Variants in PML observed in about 807,000 individuals in gnomAD.
PML encodes the protein PML nuclear body scaffold, also known as protein PML.
PML carries 28 observed loss-of-function variants against 65.2 expected under a neutral mutation model. The ratio of observed to expected loss-of-function variants is 0.43; its 90% CI spans 0.32 to 0.59. The LOEUF is 0.59. Ranked by LOEUF, PML falls within the 20% of genes least tolerant of loss-of-function variation. The probability of loss-of-function intolerance (pLI) is 0.08; values close to 1 mark genes in which losing one functional copy is unlikely to be tolerated. For missense variants in PML, 1,021 were observed against 1,203.4 expected, an observed-to-expected ratio of 0.85 and a Z score of 2.24; for synonymous variants, 500 against 508.8, an observed-to-expected ratio of 0.98 and a Z score of 0.23.
Position 73,994,746 on chromosome 15 carries a change from C to T in PML, c.-67C>T. The T allele has an allele frequency of 6.5e-7, 1 of 1,529,580 alleles. No individual in the cohort carries two copies. Among genetic ancestry groups the T allele is most frequent in the Non-Finnish European group, 8.9e-7 (1 of 1,128,162 alleles). 94.8% of individuals were successfully genotyped at this position (1,529,580 alleles called of 1,614,324 possible). Reference sequence around the variant, plus strand: ...AAGGGACTCAGCCAACTGGCTCACGCCTCCCCTTCAGCTTCTCTTCACGCA... The same window carrying T: ...AAGGGACTCAGCCAACTGGCTCACGTCTCCCCTTCAGCTTCTCTTCACGCA... On this transcript the variant is annotated 5_prime_UTR_variant, in exon 1 of 9. Coordinates refer to ENST00000268058, the MANE Select transcript of PML (RefSeq NM_033238.3).
Position 74,036,278 on chromosome 15 carries a change from C to T in PML, c.1710+1748C>T, listed in dbSNP as rs2071557591. ...ATAGCACAGCCTTCCATGCCCCGAC[C>T]CCCACCCCAAGCCTCTCCACTAGGC... is the stretch of plus-strand genomic sequence containing the variant. On this transcript the variant is annotated intron_variant, in intron 7 of 8. Coordinates refer to ENST00000268058, the MANE Select transcript of PML (RefSeq NM_033238.3). 2.7e-6 allele frequency: 4 copies of T among 1,475,690 alleles called. No individual in the cohort carries two copies. The South Asian group carries it at 4.1e-5, about 15-fold the overall frequency. The allele number at this position is 1,475,690 out of a possible 1,614,324, so 91.4% of individuals were successfully genotyped here.
intron 7 of PML, among the ~76,000 whole-genome samples, chr15:74,040,999 C>T (rs1444820933): frequency 6.6e-6 from 1 of 152,140 alleles, no homozygotes; most frequent in Non-Finnish European, 1.5e-5. Flanking sequence ...CTGTGGCTCT[C>T]CAGGGAGCTC....
At chr15:74,034,827 A>C in intron 7 of PML, 2 of 1,435,826 alleles carry the variant, frequency 1.4e-6, no homozygotes, top group Non-Finnish European at 1.8e-6. Context: ...TTCCTTATGC[A>C]TTTTCTGTCC....
chr15:74,037,041 C>A lies in PML; in HGVS notation c.1710+2511C>A. ...ATCCTGGAAGGACTCAGGAGCTTGT[C>A]GCCTCTGTGCTGCCACCTGGAGACC... On this transcript the variant is annotated intron_variant, in intron 7 of 8. Coordinates refer to ENST00000268058, the MANE Select transcript of PML (RefSeq NM_033238.3). The surrounding 1 kb of genome is among the most constrained non-coding windows in gnomAD (Gnocchi z 4.2). 1.0e-6 allele frequency: 1 copy of A among 985,464 alleles called. No homozygotes were observed. Among genetic ancestry groups the A allele is most frequent in the Non-Finnish European group, 1.2e-6 (1 of 829,932 alleles). The allele number at this position is 985,464 out of a possible 1,614,324, so 61.0% of individuals were successfully genotyped here. A position where few individuals can be genotyped will look rare whatever the true frequency, so the allele number is the denominator to read the frequency against.
At chr15:74,018,088 G>A (rs1236098682) in intron 2 of PML, among the ~76,000 whole-genome samples, 1 of 152,200 alleles carries the variant, frequency 6.6e-6, no homozygotes, top group Non-Finnish European at 1.5e-5. Flanking sequence ...GGGAGGCTGA[G>A]GCGGGTGGAT....
At chr15:74,032,081 G>T (rs902559905) in intron 4 of PML, among the ~76,000 whole-genome samples, 3 of 152,134 alleles carry the variant, frequency 2.0e-5, no homozygotes, top group South Asian at 2.1e-4. Flanking sequence ...AGCTGCTTTC[G>T]CCAGTAGTGA....
At chr15:74,034,033 A>C (rs2071433977) in intron 6 of PML, 2 of 345,208 alleles carry the variant, frequency 5.8e-6, no homozygotes, top group Non-Finnish European at 1.1e-5. Context: ...CTGAGCACTG[A>C]CTGATATTCC....
chr15:74,018,519 A>G (rs1327137436), intron 2 of PML, among the ~76,000 whole-genome samples: 2 of 151,900 alleles, frequency 1.3e-5, no homozygotes, highest in Non-Finnish European at 2.9e-5. Flanking sequence ...TTTAATTTAA[A>G]AAAAGTTTTT....
Position 74,044,915 on chromosome 15 carries a change from C to A in PML, c.2556C>A (p.Gly852=), listed in dbSNP as rs201389557. The change falls in exon 9 of 9, where the codon GGC becomes GGA. Residue 852 remains glycine, a synonymous_variant. Transcript: ENST00000268058. The part of the protein sequence containing the change: ...NLQALGTYFE[G]LLEGPALARA... ...AGGCTCTGGGCACCTACTTTGAAGG[C>A]CTGTTGGAGGGTCCGGCGCTGGCAC... 6.2e-7 allele frequency: 1 copy of A among 1,613,524 alleles called. No individual in the cohort carries two copies. The highest frequency in any genetic ancestry group is 1.7e-5 in the Admixed American group (1 of 60,030).
chr15:74,021,471 G>C (rs760409987), intron 2 of PML, among the ~76,000 whole-genome samples: 4 of 152,066 alleles, frequency 2.6e-5, no homozygotes, highest in Non-Finnish European at 5.9e-5. Context: ...TGTAATCCCA[G>C]CTACTCGGGA....
In PML at chr15:74,037,123, G is replaced by C. The variant is rs553978645; in HGVS notation, c.1710+2593G>C. The C allele has an allele frequency of 2.0e-6, 2 of 985,410 alleles. No individual in the cohort carries two copies. Among genetic ancestry groups the C allele is most frequent in the East Asian group, 2.3e-4 (2 of 8,794 alleles). The allele number at this position is 985,410 out of a possible 1,614,324, so 61.0% of individuals were successfully genotyped here. On this transcript the variant is annotated intron_variant, in intron 7 of 8. Coordinates refer to ENST00000268058, the MANE Select transcript of PML (RefSeq NM_033238.3). The surrounding 1 kb of genome is among the most constrained non-coding windows in gnomAD (Gnocchi z 4.2). ...ATGAGTGGTTGCCTGTGACTGCTAA[G>C]GGCTCCTTGGTGCTCCGCCCAGCAT...
At chr15:73,994,981 G>T in intron 1 of PML, 40 bp downstream of exon 1, 1 of 1,488,332 alleles carries the variant, frequency 6.7e-7, no homozygotes, top group Non-Finnish European at 9.0e-7. Flanking sequence ...AAGCTTTGTT[G>T]GTTTGCTGTG....
rs546947926 is a variant in PML, at chr15:74,046,285, G to C, written c.*1277G>C. 3 of 233,296 alleles carry C rather than the reference G, an allele frequency of 1.3e-5. No homozygotes were observed. In the Admixed American group the frequency reaches 1.7e-4, roughly 13 times the overall value. The allele number at this position is 233,296 out of a possible 1,614,324, so 14.5% of individuals were successfully genotyped here. On this transcript the variant is annotated 3_prime_UTR_variant, in exon 9 of 9. Coordinates refer to ENST00000268058, the MANE Select transcript of PML (RefSeq NM_033238.3). ...CATCAGAGGTCAACAGCAGAACAGA[G>C]GCAGGTCAGGGTTGTCCGCTCTGAT...
At position 74,023,204 on chromosome 15, in the gene PML, C is replaced by T. The variant is rs979167489; in HGVS notation, c.979C>T (p.Arg327Cys). 3.1e-6 allele frequency: 5 copies of T among 1,608,880 alleles called. No individual in the cohort carries two copies. The highest frequency in any genetic ancestry group is 4.5e-5 in the East Asian group (2 of 44,780). The stretch of plus-strand genomic sequence containing the variant: ...CCTGGATGCTGTGCTGCAGCGCATC[C>T]GCACGGGCAGCGCGCTGGTGCAGAG... ...GRLDAVLQRI[R>C]TGSALVQRMK... The change falls in exon 3 of 9, where the codon CGC (arginine) becomes TGC (cysteine). Residue 327 changes from arginine (R) to cysteine (C), a missense_variant. Physicochemically the swap from Arg to Cys is radical, Grantham distance 180. Transcript: ENST00000268058.
intron 2 of PML, among the ~76,000 whole-genome samples, chr15:74,003,019 G>A (rs2069853609): frequency 6.6e-6 from 1 of 152,102 alleles, no homozygotes; most frequent in South Asian, 2.1e-4. Context: ...CCAGCTATTC[G>A]GGAGGTGGAG....
chr15:74,046,419 T>A lies in PML; in HGVS notation c.*1411T>A. On this transcript the variant is annotated 3_prime_UTR_variant, in exon 9 of 9. Transcript: ENST00000268058. ...AGCCCAGGCCTCTAGCCTCCATGGC[T>A]GATGACCTCAGCTTTCACACTGGTG... is the stretch of plus-strand genomic sequence containing the variant. 1 of 233,046 alleles carries A rather than the reference T, an allele frequency of 4.3e-6. No homozygotes were observed. The highest frequency in any genetic ancestry group is 8.5e-6 in the Non-Finnish European group (1 of 117,888). 14.4% of individuals were successfully genotyped at this position (233,046 alleles called of 1,614,324 possible). A position where few individuals can be genotyped will look rare whatever the true frequency, so the allele number is the denominator to read the frequency against.
Position 74,042,386 on chromosome 15 carries a change from C to T in PML, c.1711-603C>T, listed in dbSNP as rs1032541528. The T allele has an allele frequency of 3.0e-5, 30 of 985,304 alleles. No homozygotes were observed. The Middle Eastern group carries it at 1.5e-3, about 51-fold the overall frequency. 61.0% of individuals were successfully genotyped at this position (985,304 alleles called of 1,614,324 possible). A position where few individuals can be genotyped will look rare whatever the true frequency, so the allele number is the denominator to read the frequency against. ...GCCTTTGTGTAGGACACTGGCACCT[C>T]GGCTGACTTCGGGGACAAGAAAAGG... On this transcript the variant is annotated intron_variant, in intron 7 of 8. Transcript: ENST00000268058. The surrounding 1 kb of genome is among the most constrained non-coding windows in gnomAD (Gnocchi z 5.3).
At chr15:74,039,372 G>A (rs893728624) in intron 7 of PML, among the ~76,000 whole-genome samples, 4 of 152,226 alleles carry the variant, frequency 2.6e-5, no homozygotes, top group Non-Finnish European at 4.4e-5. Flanking sequence ...CTGGGGTTTT[G>A]TGTCTGCAGA....
intron 2 of PML, among the ~76,000 whole-genome samples, chr15:74,012,256 A>C (rs1595890079): frequency 6.6e-6 from 1 of 152,044 alleles, no homozygotes; most frequent in African/African-American, 2.4e-5. Flanking sequence ...GCTCACTGCA[A>C]CCTCCGCCTC....
Sources: allele counts gnomAD v4.1 joint callset (sites outside exome capture counted in the v4.1 genomes callset), GRCh38; gene constraint gnomAD v4.1.1; non-coding constraint Gnocchi (gnomAD v3.1); transcripts MANE v1.5; gene names NCBI Gene and HGNC (gene_info 2026-07-23, HGNC 2026-07-21).